The following EXOG variants were observed in gnomAD, a reference collection of about 807,000 sequenced individuals.
EXOG encodes exo/endonuclease G.
Under a neutral mutation model 25.8 loss-of-function variants are expected in EXOG, and 27 were observed. The ratio of observed to expected loss-of-function variants is 1.05; its 90% CI spans 0.77 to 1.45. EXOG has a LOEUF of 1.45. Among genes scored for constraint, EXOG ranks in the 40% most tolerant of loss-of-function variants. The pLI is 0.00. For synonymous variants in EXOG, 133 were observed against 167.0 expected, an observed-to-expected ratio of 0.80 and a Z score of 1.57; for missense variants, 458 against 450.5, an observed-to-expected ratio of 1.02 and a Z score of -0.15.
chr3:38,498,876 G>A (rs191521365), intron 2 of EXOG: 131 of 456,384 alleles, frequency 2.9e-4, no homozygotes, highest in Middle Eastern at 6.5e-4. Flanking sequence ...TCTTGATAGG[G>A]TCCTGTAGAA....
chr3:38,524,575 C>T lies in EXOG; in HGVS notation c.*213C>T. The stretch of plus-strand genomic sequence containing the variant: ...GGCTTAAGCAATCCTCCTGCCTCTG[C>T]CCCCTGAGCAGCTGGGACTACAGGC... On this transcript the variant is annotated 3_prime_UTR_variant, in exon 6 of 6. Transcript: ENST00000287675. 8.0e-7 allele frequency: 1 copy of T among 1,247,648 alleles called. No individual in the cohort carries two copies. Among genetic ancestry groups the T allele is most frequent in the Non-Finnish European group, 1.0e-6 (1 of 981,488 alleles). 77.3% of individuals were successfully genotyped at this position (1,247,648 alleles called of 1,614,324 possible). A position where few individuals can be genotyped will look rare whatever the true frequency, so the allele number is the denominator to read the frequency against.
chr3:38,523,883 T>C lies in EXOG; in HGVS notation c.646-18T>C, dbSNP rs770912618. On this transcript the variant is annotated intron_variant, in intron 5 of 5. Transcript: ENST00000287675. ...TTAGCACAAATTGGCATCACTAATA[T>C]GGCTGCTTTGTTTTTAGGTGATTGG... 6.6e-7 allele frequency: 1 copy of C among 1,512,848 alleles called. No individual in the cohort carries two copies. The highest frequency in any genetic ancestry group is 1.8e-4 in the Middle Eastern group (1 of 5,590). 93.7% of individuals were successfully genotyped at this position (1,512,848 alleles called of 1,614,324 possible).
chr3:38,501,546 C>T, intron 3 of EXOG, 52 bp downstream of exon 3: 2 of 1,539,392 alleles, frequency 1.3e-6, no homozygotes, highest in Non-Finnish European at 1.8e-6. Context: ...GTTATGCATA[C>T]AACAGGAATT....
At chr3:38,521,069 C>T (rs2060701428) in intron 5 of EXOG, among the ~76,000 whole-genome samples, 1 of 152,156 alleles carries the variant, frequency 6.6e-6, no homozygotes, top group East Asian at 1.9e-4. Flanking sequence ...AAGGAAGAAA[C>T]GGTGTGTTTT....
At chr3:38,510,844 GAGGTC>G (rs1273558526) in intron 5 of EXOG, among the ~76,000 whole-genome samples, 1 of 152,118 alleles carries the variant, frequency 6.6e-6, no homozygotes, top group African/African-American at 2.4e-5. Flanking sequence ...TCAGTCATGT[GAGGTC>G]AGTCAAGATC....
chr3:38,519,674 A>T (rs1308521846), intron 5 of EXOG, among the ~76,000 whole-genome samples: 1 of 152,164 alleles, frequency 6.6e-6, no homozygotes, highest in African/African-American at 2.4e-5. Context: ...TAAATTTTCA[A>T]GTACCATTGA....
intron 5 of EXOG, among the ~76,000 whole-genome samples, chr3:38,510,092 C>T (rs1257884141): frequency 6.6e-6 from 1 of 152,114 alleles, no homozygotes; most frequent in Non-Finnish European, 1.5e-5. Context: ...TTTAGTATTG[C>T]TAGTAATGGG....
intron 5 of EXOG, among the ~76,000 whole-genome samples, chr3:38,517,263 A>G (rs554057053): frequency 1.3e-5 from 2 of 152,278 alleles, no homozygotes; most frequent in Admixed American, 6.5e-5. Flanking sequence ...AGACTCACAG[A>G]TTTATTTTTA....
In EXOG at chr3:38,523,947, T is replaced by A. The variant is rs965069728; in HGVS notation, c.692T>A (p.Val231Glu). The part of the protein sequence containing the change: ...NVAVPSHLYK[V>E]ILARRSSVST... Reference sequence around the variant, plus strand: ...GCAGTCCCCTCACACCTTTATAAGGTAATCCTGGCCCGCAGAAGCTCAGTA... The same window carrying A: ...GCAGTCCCCTCACACCTTTATAAGGAAATCCTGGCCCGCAGAAGCTCAGTA... The change falls in exon 6 of 6, where the codon GTA (valine) becomes GAA (glutamate). Residue 231 changes from valine (V) to glutamate (E), a missense_variant. Transcript: ENST00000287675. 1.3e-6 allele frequency: 2 copies of A among 1,599,634 alleles called. No homozygotes were observed. Among genetic ancestry groups the A allele is most frequent in the African/African-American group, 2.7e-5 (2 of 74,242 alleles).
At position 38,522,175 on chromosome 3, in the gene EXOG, A is replaced by G. The variant is rs146091652; in HGVS notation, c.646-1726A>G. ...CACGGGTCTTCCCTGAAGCTCTGCA[A>G]TTGGTCTTGGCAGTGGGACCTTCAT... On this transcript the variant is annotated intron_variant, in intron 5 of 5. Transcript: ENST00000287675. Among the ~76,000 whole-genome samples the G allele has an allele frequency of 7.7e-4, 117 of 152,366 alleles. 3 individuals carry two copies. The East Asian group carries it at 0.021, about 27-fold the overall frequency.
intron 3 of EXOG, among the ~76,000 whole-genome samples, chr3:38,502,139 T>C (rs1378019711): frequency 1.3e-5 from 2 of 152,192 alleles, no homozygotes; most frequent in East Asian, 1.9e-4. Context: ...CAGGCTGGTC[T>C]CAAACTCCTG....
chr3:38,522,814 T>C (rs1235520637), intron 5 of EXOG, among the ~76,000 whole-genome samples: 2 of 152,342 alleles, frequency 1.3e-5, no homozygotes, highest in East Asian at 1.9e-4. Flanking sequence ...CAGATGCCAA[T>C]TGGAAGGAAA....
chr3:38,520,470 G>A (rs1335508878), intron 5 of EXOG, among the ~76,000 whole-genome samples: 2 of 152,194 alleles, frequency 1.3e-5, no homozygotes, highest in African/African-American at 4.8e-5. Context: ...CTGACTCACT[G>A]ATTAACTAGA....
Position 38,526,036 on chromosome 3 carries a change from A to G in EXOG, c.*1674A>G. The G allele has an allele frequency of 1.0e-6, 1 of 985,426 alleles. No homozygotes were observed. Among genetic ancestry groups the G allele is most frequent in the Non-Finnish European group, 1.2e-6 (1 of 829,904 alleles). 61.0% of individuals were successfully genotyped at this position (985,426 alleles called of 1,614,324 possible). ...TGCCTGCTTGTCTACCTAGCATAGT[A>G]GGCCAAAGGTCCAAAGGCATTTAGC... On this transcript the variant is annotated 3_prime_UTR_variant, in exon 6 of 6. Coordinates refer to ENST00000287675, the MANE Select transcript of EXOG (RefSeq NM_005107.4).
At chr3:38,512,946 A>G (rs924578514) in intron 5 of EXOG, among the ~76,000 whole-genome samples, 1 of 152,058 alleles carries the variant, frequency 6.6e-6, no homozygotes, top group Non-Finnish European at 1.5e-5. Flanking sequence ...ACAGGCATGC[A>G]CCACCATGCC....
intron 5 of EXOG, among the ~76,000 whole-genome samples, chr3:38,514,748 C>T (rs2060478886): frequency 6.8e-6 from 1 of 148,090 alleles, no homozygotes; most frequent in Non-Finnish European, 1.5e-5. Context: ...TCTTAAATCC[C>T]TCTTTTCCAC....
At chr3:38,519,085 G>A (rs2060633075) in intron 5 of EXOG, among the ~76,000 whole-genome samples, 1 of 152,158 alleles carries the variant, frequency 6.6e-6, no homozygotes, top group Admixed American at 6.5e-5. Flanking sequence ...ACAGAAAATG[G>A]GCCAAGAGGA....
rs777288999 is a variant in EXOG, at chr3:38,496,489, G to C, written c.122G>C (p.Ser41Thr). 3 of 1,613,598 alleles carry C rather than the reference G, an allele frequency of 1.9e-6. No homozygotes were observed. The highest frequency in any genetic ancestry group is 2.2e-5 in the East Asian group (1 of 44,888). The change falls in exon 1 of 6, where the codon AGT becomes ACT. Residue 41 changes from serine to threonine, a missense_variant. This residue lies in a region of EXOG where 275 missense variants were observed against 230.5 expected (regional missense o/e 1.19). Transcript: ENST00000287675. ...CTCGCGGCCCTGCAGTTCTTCCGGA[G>C]TCAGGGCGCTGAGGGAGCGTTGACA... ...AGLAALQFFR[S>T]QGAEGALTGK...
chr3:38,525,247 A>G lies in EXOG; in HGVS notation c.*885A>G. On this transcript the variant is annotated 3_prime_UTR_variant, in exon 6 of 6. Coordinates refer to ENST00000287675, the MANE Select transcript of EXOG (RefSeq NM_005107.4). ...TGTCTTACCTGAGTTTCACTTTTCC[A>G]AAGTAGTCATCCACAAAGTATGAGG... 2.0e-6 allele frequency: 2 copies of G among 985,162 alleles called. No homozygotes were observed. Among genetic ancestry groups the G allele is most frequent in the Non-Finnish European group, 1.2e-6 (1 of 829,684 alleles). 61.0% of individuals were successfully genotyped at this position (985,162 alleles called of 1,614,324 possible).
Sources: gnomAD v4.1 joint callset for allele counts (sites outside exome capture counted in the v4.1 genomes callset) on GRCh38, gnomAD v4.1.1 for gene constraint, gnomAD v4.1.1 regional missense constraint, MANE v1.5 for transcripts, NCBI Gene and HGNC (gene_info 2026-07-23, HGNC 2026-07-21) for gene names.